Variants in USP36 observed in about 807,000 individuals in gnomAD.
USP36 encodes ubiquitin carboxyl-terminal hydrolase 36.
Under a neutral mutation model 111.5 loss-of-function variants are expected in USP36, and 59 were observed. That is an observed-to-expected ratio of 0.53 (90% confidence interval 0.43 to 0.66). The LOEUF is 0.66. Ranked by LOEUF, USP36 falls within the 30% of genes least tolerant of loss-of-function variation. The pLI, the probability that USP36 is intolerant of heterozygous loss-of-function variation, is 0.00. For missense variants in USP36, 1,488 were observed against 1,468.0 expected, an observed-to-expected ratio of 1.01 and a Z score of -0.22; for synonymous variants, 628 against 581.0, an observed-to-expected ratio of 1.08 and a Z score of -1.16.
chr17:78,837,624 C>G (rs1339545889), intron 2 of USP36, among the ~76,000 whole-genome samples: 1 of 152,144 alleles, frequency 6.6e-6, no homozygotes, highest in East Asian at 1.9e-4. Flanking sequence ...TTGTATCCAC[C>G]ACTTGCCCTC....
intron 4 of USP36, 66 bp from the exon 5 acceptor site, chr17:78,829,073 C>T: frequency 7.1e-7 from 1 of 1,405,030 alleles, no homozygotes; most frequent in Admixed American, 2.0e-5. Context: ...GTGAGGCCCC[C>T]ACCCCAAACG....
chr17:78,819,007 A>C lies in USP36; in HGVS notation c.912-229T>G, dbSNP rs537598653. 2 of 451,790 alleles carry C rather than the reference A, an allele frequency of 4.4e-6. 1 individual carries two copies. Among genetic ancestry groups the C allele is most frequent in the African/African-American group, 4.0e-5 (2 of 50,154 alleles). The allele number at this position is 451,790 out of a possible 1,614,324, so 28.0% of individuals were successfully genotyped here. A position where few individuals can be genotyped will look rare whatever the true frequency, so the allele number is the denominator to read the frequency against. On this transcript the variant is annotated intron_variant, in intron 9 of 20. Coordinates refer to ENST00000449938, the MANE Select transcript of USP36 (RefSeq NM_001385174.1). The stretch of plus-strand genomic sequence containing the variant: ...GAAAGTGGGAAGATTCTAAAGCAAA[A>C]AAATAAAAGTACTGTACCCACCAGG...
chr17:78,800,734 A>G (rs1450861744), intron 17 of USP36, among the ~76,000 whole-genome samples: 1 of 152,182 alleles, frequency 6.6e-6, no homozygotes, highest in Non-Finnish European at 1.5e-5. Context: ...ACAGGACTGC[A>G]AGAGCCCATG....
At chr17:78,808,407 C>T (rs1236184516) in intron 13 of USP36, among the ~76,000 whole-genome samples, 20 of 152,158 alleles carry the variant, frequency 1.3e-4, no homozygotes, top group Non-Finnish European at 1.5e-5. Context: ...TAGACCACCA[C>T]ACCCGAATAA....
chr17:78,824,610 G>T (rs542593484), intron 6 of USP36, among the ~76,000 whole-genome samples: 1 of 152,126 alleles, frequency 6.6e-6, no homozygotes, highest in Non-Finnish European at 1.5e-5. Context: ...AATATCCAAA[G>T]AAATTTGAGA....
Position 78,798,135 on chromosome 17 carries a change from C to T in USP36, c.*21-256G>A, listed in dbSNP as rs944267943. The T allele has an allele frequency of 1.5e-5, 7 of 471,526 alleles. No homozygotes were observed. The highest frequency in any genetic ancestry group is 2.7e-5 in the Non-Finnish European group (7 of 260,360). 29.2% of individuals were successfully genotyped at this position (471,526 alleles called of 1,614,324 possible). A position where few individuals can be genotyped will look rare whatever the true frequency, so the allele number is the denominator to read the frequency against. On this transcript the variant is annotated intron_variant, in intron 20 of 20. Transcript: ENST00000449938. The surrounding 1 kb of genome is among the most constrained non-coding windows in gnomAD (Gnocchi z 5.1). ...AGATGCCAGGTGTACACACCCCACACCCAACACACACTACACACACCCCCT... is the reference window on the plus strand; with the variant it reads ...AGATGCCAGGTGTACACACCCCACATCCAACACACACTACACACACCCCCT...
rs367981815 is a variant in USP36, at chr17:78,805,756, G to A, written c.2216+400C>T. 2.9e-4 allele frequency among the ~76,000 whole-genome samples: 44 copies of A among 152,288 alleles called. No individual in the cohort carries two copies. In the Middle Eastern group the frequency reaches 0.01, roughly 35 times the overall value. The stretch of plus-strand genomic sequence containing the variant: ...GCAGGCAAGACGTCCCACAAAAAAC[G>A]CTCGGGACTCCGAGCTCACTCAAGC... On this transcript the variant is annotated intron_variant, in intron 15 of 20. Coordinates refer to ENST00000449938, the MANE Select transcript of USP36 (RefSeq NM_001385174.1).
At chr17:78,832,278 C>T (rs2068210177) in intron 4 of USP36, among the ~76,000 whole-genome samples, 1 of 152,322 alleles carries the variant, frequency 6.6e-6, no homozygotes, top group African/African-American at 2.4e-5. Flanking sequence ...AGTGGACCCT[C>T]GTCAGAACAA....
chr17:78,799,648 C>A lies in USP36; in HGVS notation c.3124+19G>T. 1 of 1,609,578 alleles carries A rather than the reference C, an allele frequency of 6.2e-7. No individual in the cohort carries two copies. The highest frequency in any genetic ancestry group is 1.1e-5 in the South Asian group (1 of 90,490). On this transcript the variant is annotated intron_variant, in intron 18 of 20. Transcript: ENST00000449938. Reference sequence around the variant, plus strand: ...CAACCAATGAAAGGCAAACAGAAGTCCTGTCTCCAAATCAGTACCTTTTCT... The same window carrying A: ...CAACCAATGAAAGGCAAACAGAAGTACTGTCTCCAAATCAGTACCTTTTCT...
downstream of USP36, among the ~76,000 whole-genome samples, chr17:78,794,001 T>C (rs143010831): frequency 3.1e-4 from 47 of 152,310 alleles, 1 homozygote; most frequent in East Asian, 9.1e-3. Flanking sequence ...CTTGCTTCCC[T>C]GGCTACTACT....
chr17:78,797,818 C>T lies in USP36; in HGVS notation c.*82G>A, dbSNP rs1014134786. The T allele has an allele frequency of 6.5e-6, 1 of 154,226 alleles. No individual in the cohort carries two copies. Among genetic ancestry groups the T allele is most frequent in the Non-Finnish European group, 1.4e-5 (1 of 69,378 alleles). The allele number at this position is 154,226 out of a possible 1,614,324, so 9.6% of individuals were successfully genotyped here. A position where few individuals can be genotyped will look rare whatever the true frequency, so the allele number is the denominator to read the frequency against. Reference sequence around the variant, plus strand: ...GGCTCCCAGCGCAGCAGAGCCCACACAGAGAGCTCCCTCAGATCCAGACCG... The same window carrying T: ...GGCTCCCAGCGCAGCAGAGCCCACATAGAGAGCTCCCTCAGATCCAGACCG... On this transcript the variant is annotated 3_prime_UTR_variant, in exon 21 of 21. Transcript: ENST00000449938.
chr17:78,822,889 G>A lies in USP36; in HGVS notation c.690-885C>T, dbSNP rs546429253. ...TTACTAGGAGGCTGCGCAGTGCGCC[G>A]GTGCACCCACTCCCTCCAGAAGAGC... On this transcript the variant is annotated intron_variant, in intron 6 of 20. Transcript: ENST00000449938. Among the ~76,000 whole-genome samples the A allele has an allele frequency of 9.2e-5, 14 of 152,192 alleles. No individual in the cohort carries two copies. The South Asian group carries it at 1.9e-3, about 20-fold the overall frequency.
intron 13 of USP36, among the ~76,000 whole-genome samples, chr17:78,809,320 T>C (rs1599010870): frequency 1.3e-5 from 2 of 152,294 alleles, no homozygotes; most frequent in Admixed American, 6.5e-5. Flanking sequence ...TTCTTCCAAG[T>C]TTTGTTTTGT....
At chr17:78,839,812 G>A (rs1375933169) in intron 1 of USP36, among the ~76,000 whole-genome samples, 1 of 152,068 alleles carries the variant, frequency 6.6e-6, no homozygotes, top group African/African-American at 2.4e-5. Flanking sequence ...TCCCTCCGAC[G>A]CACACACCAT....
In USP36 at chr17:78,814,539, G is replaced by A. The variant is rs568739495; in HGVS notation, c.1037C>T (p.Pro346Leu). 1.8e-5 allele frequency: 29 copies of A among 1,613,808 alleles called. No homozygotes were observed. The highest frequency in any genetic ancestry group is 1.7e-4 in the Middle Eastern group (1 of 6,060). Residue 346 changes from proline to leucine, a missense_variant, in exon 11 of 21, where the codon CCG becomes CTG. By Grantham distance (98) the Pro-to-Leu change is moderately conservative. This residue lies in a region of USP36 where 196 missense variants were observed against 264.4 expected (regional missense o/e 0.74). Transcript: ENST00000449938. ...GGKITKDVGYPEFLNIRPYMS... is the reference protein window; with the variant it reads ...GGKITKDVGYLEFLNIRPYMS... ...ATACGGACGTATGTTGAGGAATTCC[G>A]GATAGCCTACATCCTGTTTGAAAAA...
chr17:78,824,774 A>C (rs2067384440), intron 6 of USP36, among the ~76,000 whole-genome samples: 1 of 152,244 alleles, frequency 6.6e-6, no homozygotes, highest in Non-Finnish European at 1.5e-5. Flanking sequence ...ATTTTGGCTT[A>C]CAAAACAAGA....
chr17:78,806,973 G>A lies in USP36; in HGVS notation c.2071C>T (p.Leu691Phe). ...MSPPPAKKLA[L>F]SAKKASTLWR... ...CACACACCCACCTTCTTGGCAGAAA[G>A]GGCCAGTTTTTTGGCTGGTGGAGGA... Residue 691 changes from leucine to phenylalanine, a missense_variant, in exon 14 of 21, where the codon CTT (leucine) becomes TTT (phenylalanine). This residue lies in a region of USP36 where 1,073 missense variants were observed against 994.1 expected (regional missense o/e 1.08). Coordinates refer to ENST00000449938, the MANE Select transcript of USP36 (RefSeq NM_001385174.1). The A allele has an allele frequency of 6.2e-7, 1 of 1,614,066 alleles. No homozygotes were observed. The highest frequency in any genetic ancestry group is 8.5e-7 in the Non-Finnish European group (1 of 1,179,890).
intron 15 of USP36, among the ~76,000 whole-genome samples, chr17:78,804,625 T>TA (rs35371422): frequency 0.024 from 908 of 38,326 alleles, 63 homozygotes; most frequent in East Asian, 0.037. Context: ...CCCTGAGATT[T>TA]AAAAAAAAAA....
At chr17:78,799,397 C>T (rs1476501076) in intron 18 of USP36, among the ~76,000 whole-genome samples, 2 of 152,172 alleles carry the variant, frequency 1.3e-5, no homozygotes, top group Non-Finnish European at 2.9e-5. Flanking sequence ...CCCTTCCCTA[C>T]CCAAGACACA....
Sources: gnomAD v4.1 joint callset for allele counts (sites outside exome capture counted in the v4.1 genomes callset) on GRCh38, gnomAD v4.1.1 for gene constraint, gnomAD v4.1.1 regional missense constraint, Gnocchi (gnomAD v3.1) non-coding constraint, MANE v1.5 for transcripts, NCBI Gene and HGNC (gene_info 2026-07-23, HGNC 2026-07-21) for gene names.